PNPT1: variants seen among roughly 807,000 people sequenced by gnomAD.
PNPT1 encodes the protein polyribonucleotide nucleotidyltransferase 1.
PNPT1 carries 53 observed loss-of-function variants against 119.5 expected under a neutral mutation model. The observed-to-expected ratio is 0.44, with a 90% confidence interval of 0.36 to 0.56. The LOEUF (loss-of-function observed/expected upper bound fraction) is 0.56, where lower values mean the gene tolerates loss of function less well. PNPT1 is among the 20% of genes least tolerant of loss of function. The pLI, the probability that PNPT1 is intolerant of heterozygous loss-of-function variation, is 0.00. For missense variants in PNPT1, 948 were observed against 938.5 expected, an observed-to-expected ratio of 1.01 and a Z score of -0.13; for synonymous variants, 357 against 322.1, an observed-to-expected ratio of 1.11 and a Z score of -1.16.
At chr2:55,682,385 T>A (rs1391598222) in intron 5 of PNPT1, among the ~76,000 whole-genome samples, 1 of 150,834 alleles carries the variant, frequency 6.6e-6, no homozygotes, top group East Asian at 2.0e-4. Context: ...GGTTTGAACC[T>A]GGGAGGCAGA....
intron 7 of PNPT1, among the ~76,000 whole-genome samples, chr2:55,680,306 A>T (rs1697204933): frequency 6.6e-6 from 1 of 152,130 alleles, no homozygotes; most frequent in South Asian, 2.1e-4. Flanking sequence ...TCTGCCTAGG[A>T]CACTTGATAA....
At chr2:55,693,065 C>T (rs1352134858) in intron 1 of PNPT1, among the ~76,000 whole-genome samples, 1 of 152,180 alleles carries the variant, frequency 6.6e-6, no homozygotes, top group Non-Finnish European at 1.5e-5. Context: ...GGCTCTCTCC[C>T]TGTCCATCTC....
At chr2:55,649,168 G>A (rs947627724) in intron 18 of PNPT1, among the ~76,000 whole-genome samples, 4 of 152,166 alleles carry the variant, frequency 2.6e-5, no homozygotes, top group Admixed American at 2.6e-4. Context: ...GCCAGGCCCA[G>A]TGGCTCATGC....
rs1227966046 is a variant in PNPT1 at position 55,691,878 on chromosome 2, A to ATTTTTTTT, written c.161+1777_161+1784dup. Among the ~76,000 whole-genome samples the ATTTTTTTT allele has an allele frequency of 1.2e-3, 41 of 33,090 alleles. 1 individual carries two copies. In the South Asian group the frequency reaches 0.016, roughly 13 times the overall value. 21.7% of individuals were successfully genotyped at this position (33,090 alleles called of 152,430 possible). ...TATATATATATATATATATATATAT[A>ATTTTTTTT]TTTTTTTTTTTTTTTTTTTTTTTTG... is the stretch of plus-strand genomic sequence containing the variant. On this transcript the variant is annotated intron_variant, in intron 1 of 27. Coordinates refer to ENST00000447944, the MANE Select transcript of PNPT1 (RefSeq NM_033109.5).
At chr2:55,642,025 A>G (rs1316088986) in intron 25 of PNPT1, among the ~76,000 whole-genome samples, 14 of 152,098 alleles carry the variant, frequency 9.2e-5, no homozygotes, top group African/African-American at 3.4e-4. Context: ...TATTTTTAGT[A>G]GACATGGGGT....
At chr2:55,688,299 C>G (rs1697480785) in intron 1 of PNPT1, among the ~76,000 whole-genome samples, 1 of 152,106 alleles carries the variant, frequency 6.6e-6, no homozygotes, top group Non-Finnish European at 1.5e-5. Context: ...CTTGGCCTCC[C>G]AAAGTGCTGG....
rs1264357143 is a variant in PNPT1, at chr2:55,634,148, A to G, written c.*2089T>C. On this transcript the variant is annotated 3_prime_UTR_variant, in exon 28 of 28. Transcript: ENST00000447944. ...GTATATCAACATTGCCTAACATGCT[A>G]TTTTACACACAATAGATATATAATC... 6.6e-6 allele frequency: 1 copy of G among 152,144 alleles called. No homozygotes were observed. The highest frequency in any genetic ancestry group is 1.5e-5 in the Non-Finnish European group (1 of 68,038). The allele number at this position is 152,144 out of a possible 1,614,324, so 9.4% of individuals were successfully genotyped here.
At position 55,671,299 on chromosome 2, in the gene PNPT1, TA is replaced by T; in HGVS notation, c.976+19del. 1 of 1,390,104 alleles carries T rather than the reference TA, an allele frequency of 7.2e-7. No individual in the cohort carries two copies. The highest frequency in any genetic ancestry group is 1.4e-5 in the South Asian group (1 of 70,210). The allele number at this position is 1,390,104 out of a possible 1,614,324, so 86.1% of individuals were successfully genotyped here. On this transcript the variant is annotated intron_variant, in intron 11 of 27. Coordinates refer to ENST00000447944, the MANE Select transcript of PNPT1 (RefSeq NM_033109.5). ...AGCTGCCCTCAGCAAAAAAATAAAA[TA>T]AAATAAAATAAAATTTACCTTTTAG...
intron 8 of PNPT1, among the ~76,000 whole-genome samples, chr2:55,673,393 A>T (rs1696973288): frequency 6.6e-6 from 1 of 152,062 alleles, no homozygotes; most frequent in African/African-American, 2.4e-5. Context: ...TTGAGCTATA[A>T]GTCACATAAA....
chr2:55,644,570 G>A lies in PNPT1; in HGVS notation c.1906+67C>T. The A allele has an allele frequency of 3.4e-6, 4 of 1,176,788 alleles. No individual in the cohort carries two copies. In the South Asian group the frequency reaches 4.3e-5, roughly 13 times the overall value. The allele number at this position is 1,176,788 out of a possible 1,614,324, so 72.9% of individuals were successfully genotyped here. Reference sequence around the variant, plus strand: ...TATATATTTAAAGCAACATACTAGAGATGAAATAGCAAACTTTTATGGTCT... The same window carrying A: ...TATATATTTAAAGCAACATACTAGAAATGAAATAGCAAACTTTTATGGTCT... On this transcript the variant is annotated intron_variant, in intron 23 of 27. Coordinates refer to ENST00000447944, the MANE Select transcript of PNPT1 (RefSeq NM_033109.5).
rs1697189382 is a variant in PNPT1, at chr2:55,679,802, T to C, written c.566-7A>G. The C allele has an allele frequency of 3.8e-6, 6 of 1,573,430 alleles. No individual in the cohort carries two copies. The highest frequency in any genetic ancestry group is 5.2e-6 in the Non-Finnish European group (6 of 1,150,600). Reference sequence around the variant, plus strand: ...ATTCCTATTCGTACTGCCCCTAAAATGTATTAGAATATTGGCAACTGTTTA... The same window carrying C: ...ATTCCTATTCGTACTGCCCCTAAAACGTATTAGAATATTGGCAACTGTTTA... On this transcript the variant is annotated splice_region_variant and splice_polypyrimidine_tract_variant and intron_variant, in intron 7 of 27. Transcript: ENST00000447944.
intron 12 of PNPT1, 107 bp downstream of exon 12, chr2:55,667,755 A>T: frequency 7.3e-7 from 1 of 1,363,232 alleles, no homozygotes; most frequent in Non-Finnish European, 9.9e-7. Flanking sequence ...ATAATTCTTT[A>T]CTGTTCACTT....
At chr2:55,689,316 CCAGT>C (rs1409896553) in intron 1 of PNPT1, among the ~76,000 whole-genome samples, 12 of 152,190 alleles carry the variant, frequency 7.9e-5, no homozygotes, top group South Asian at 2.1e-4. Context: ...ATACAAATGG[CCAGT>C]AAGTACATAA....
intron 23 of PNPT1, among the ~76,000 whole-genome samples, chr2:55,643,738 CAA>C (rs56391931): frequency 4.3e-4 from 64 of 147,144 alleles, no homozygotes; most frequent in Admixed American, 4.0e-4. Flanking sequence ...GGCCCCATCT[CAA>C]AAAAAAAAAA....
intron 14 of PNPT1, among the ~76,000 whole-genome samples, chr2:55,661,457 A>C (rs1696574822): frequency 6.6e-6 from 1 of 152,112 alleles, no homozygotes; most frequent in African/African-American, 2.4e-5. Flanking sequence ...TATCATCGGA[A>C]TTGATTAGCA....
chr2:55,655,536 ATTCT>A (rs901272917), intron 17 of PNPT1, among the ~76,000 whole-genome samples: 17 of 152,140 alleles, frequency 1.1e-4, no homozygotes, highest in Non-Finnish European at 2.5e-4. Context: ...TGGCTCTCTC[ATTCT>A]CATAAGCCCA....
intron 18 of PNPT1, among the ~76,000 whole-genome samples, chr2:55,651,885 C>CAAAAAAAAAAAAAAAAAAAAAAAACAAAA: frequency 8.3e-6 from 1 of 119,774 alleles, no homozygotes; most frequent in Non-Finnish European, 1.7e-5. Context: ...AAAGGAAAGT[C>CAAAAAAAAAAAAAAAAAAAAAAAACAAAA]AAAAAAAAAA....
In PNPT1 at chr2:55,636,162, TACTACTA is replaced by T; in HGVS notation, c.*68_*74del. On this transcript the variant is annotated 3_prime_UTR_variant, in exon 28 of 28. Coordinates refer to ENST00000447944, the MANE Select transcript of PNPT1 (RefSeq NM_033109.5). The stretch of plus-strand genomic sequence containing the variant: ...ATATAGAAATCTACACAATGGAAGA[TACTACTA>T]AAATGTTGCTCTACAGCACATCACC... 3 of 1,042,708 alleles carry T rather than the reference TACTACTA, an allele frequency of 2.9e-6. No homozygotes were observed. Among genetic ancestry groups the T allele is most frequent in the Non-Finnish European group, 4.1e-6 (3 of 735,646 alleles). The allele number at this position is 1,042,708 out of a possible 1,614,324, so 64.6% of individuals were successfully genotyped here. A position where few individuals can be genotyped will look rare whatever the true frequency, so the allele number is the denominator to read the frequency against.
At position 55,679,590 on chromosome 2, in the gene PNPT1, G is replaced by A. The variant is rs907726117; in HGVS notation, c.679+92C>T. On this transcript the variant is annotated intron_variant, in intron 8 of 27. Coordinates refer to ENST00000447944, the MANE Select transcript of PNPT1 (RefSeq NM_033109.5). ...CATGACAAAAATTTTTATGGCTACC[G>A]ACAAAACATACACACAGAGTTTAAA... The A allele has an allele frequency of 2.4e-4, 221 of 910,806 alleles. 1 individual carries two copies. Among genetic ancestry groups the A allele is most frequent in the Non-Finnish European group, 3.4e-4 (202 of 594,306 alleles). 56.4% of individuals were successfully genotyped at this position (910,806 alleles called of 1,614,324 possible). A position where few individuals can be genotyped will look rare whatever the true frequency, so the allele number is the denominator to read the frequency against.
Sources: allele counts gnomAD v4.1 joint callset (sites outside exome capture counted in the v4.1 genomes callset), GRCh38; gene constraint gnomAD v4.1.1; transcripts MANE v1.5; gene names NCBI Gene and HGNC (gene_info 2026-07-23, HGNC 2026-07-21).